Variants in PID1 observed in about 807,000 individuals in gnomAD.
The protein encoded by PID1 is PTB-containing, cubilin and LRP1-interacting protein.
A neutral mutation model predicts 19.1 loss-of-function variants in PID1; 10 were observed. The observed-to-expected ratio is 0.52, with a 90% CI of 0.32 to 0.89. PID1 has a LOEUF of 0.89. Ranked by LOEUF, PID1 falls within the 40% of genes least tolerant of loss-of-function variation. The probability of loss-of-function intolerance (pLI) is 0.03; values close to 1 mark genes in which losing one functional copy is unlikely to be tolerated. For synonymous variants in PID1, 130 were observed against 116.0 expected (o/e 1.12, Z -0.78); for missense variants, 248 against 285.3 (o/e 0.87, Z 0.94).
chr2:229,111,066 A>G (rs1265460704), intron 2 of PID1, among the ~76,000 whole-genome samples: 1 of 152,034 alleles, frequency 6.6e-6, no homozygotes, highest in Non-Finnish European at 1.5e-5. Flanking sequence ...CTTTCACTTG[A>G]TTCTCATTCT....
At chr2:229,154,547 A>G (rs1465929561) in intron 2 of PID1, among the ~76,000 whole-genome samples, 1 of 152,178 alleles carries the variant, frequency 6.6e-6, no homozygotes, top group East Asian at 1.9e-4. Context: ...CCGGTCAGAC[A>G]GTGAGCACCC....
chr2:229,054,818 G>A (rs1416682553), intron 2 of PID1, among the ~76,000 whole-genome samples: 4 of 146,856 alleles, frequency 2.7e-5, no homozygotes, highest in Non-Finnish European at 4.5e-5. Context: ...TTGAGAATTT[G>A]TTACAGCATC....
chr2:229,052,508 C>A (rs1264864372), intron 2 of PID1, among the ~76,000 whole-genome samples: 4 of 151,894 alleles, frequency 2.6e-5, no homozygotes, highest in Admixed American at 2.6e-4. Context: ...AAGGATCTTT[C>A]CACCTAACTG....
At chr2:229,103,862 C>A (rs1029084150) in intron 2 of PID1, among the ~76,000 whole-genome samples, 1 of 152,174 alleles carries the variant, frequency 6.6e-6, no homozygotes, top group Admixed American at 6.5e-5. Flanking sequence ...CAGTCGTGAG[C>A]CACCACACCC....
intron 1 of PID1, among the ~76,000 whole-genome samples, chr2:229,234,829 G>T (rs1226985): frequency 0.45 from 68,127 of 151,820 alleles, 16,059 homozygotes; most frequent in East Asian, 0.74. Context: ...AGGACCTATT[G>T]TGAAAGACCA....
At chr2:229,081,085 C>T (rs949395386) in intron 2 of PID1, among the ~76,000 whole-genome samples, 3 of 152,220 alleles carry the variant, frequency 2.0e-5, no homozygotes, top group African/African-American at 7.2e-5. Context: ...TCCCCGAATA[C>T]ATACATAGCT....
chr2:229,085,878 C>G (rs1181593380), intron 2 of PID1, among the ~76,000 whole-genome samples: 3 of 151,968 alleles, frequency 2.0e-5, no homozygotes. Flanking sequence ...CAAGAGACAG[C>G]TGATTAAAGC....
Position 229,025,758 on chromosome 2 carries a change from C to G in PID1, c.528G>C (p.Lys176Asn). 6.2e-7 allele frequency: 1 copy of G among 1,614,256 alleles called. No homozygotes were observed. Among genetic ancestry groups the G allele is most frequent in the Non-Finnish European group, 8.5e-7 (1 of 1,180,040 alleles). Residue 176 changes from lysine to asparagine, a missense_variant, in exon 3 of 3, where the codon AAG (lysine) becomes AAC (asparagine). Transcript: ENST00000392055. ...AVECESKLEAKKLAHAMMEAF... is the reference protein window; with the variant it reads ...AVECESKLEANKLAHAMMEAF... ...CCTCCATCATGGCGTGGGCCAGTTT[C>G]TTGGCCTCGAGCTTGCTCTCGCACT...
At chr2:229,220,247 A>G (rs1691938259) in intron 1 of PID1, among the ~76,000 whole-genome samples, 1 of 152,102 alleles carries the variant, frequency 6.6e-6, no homozygotes, top group Admixed American at 6.5e-5. Flanking sequence ...TGACACTTTA[A>G]ACCTCATTTA....
At chr2:229,265,589 CTTATATAAA>C (rs1690575614) in intron 1 of PID1, among the ~76,000 whole-genome samples, 1 of 152,168 alleles carries the variant, frequency 6.6e-6, no homozygotes. Context: ...TCTTGCTCTA[CTTATATAAA>C]GCCTCTGTTT....
chr2:229,035,868 T>C (rs2106169425), intron 2 of PID1, among the ~76,000 whole-genome samples: 1 of 152,274 alleles, frequency 6.6e-6, no homozygotes, highest in South Asian at 2.1e-4. Flanking sequence ...GTGGTTTGGG[T>C]CAAAGGCAGG....
chr2:229,112,415 A>G lies in PID1; in HGVS notation c.177+43403T>C, dbSNP rs138543726. On this transcript the variant is annotated intron_variant, in intron 2 of 2. Transcript: ENST00000392055. ...GCTCCTTAGCAATGTACTCAGCTGTATTAGTGAACATCACATCTAGAAATG... is the reference window on the plus strand; with the variant it reads ...GCTCCTTAGCAATGTACTCAGCTGTGTTAGTGAACATCACATCTAGAAATG... Among the ~76,000 whole-genome samples, 264 of 152,348 alleles carry G rather than the reference A, an allele frequency of 1.7e-3. 2 individuals carry two copies. Among genetic ancestry groups the G allele is most frequent in the African/African-American group, 6.0e-3 (248 of 41,582 alleles).
chr2:229,179,220 C>G (rs1313308961), intron 1 of PID1, among the ~76,000 whole-genome samples: 2 of 152,090 alleles, frequency 1.3e-5, no homozygotes, highest in East Asian at 3.9e-4. Flanking sequence ...GGGTTTCCCA[C>G]AAGCAGAGGC....
At chr2:229,162,221 G>T (rs565353451) in intron 1 of PID1, among the ~76,000 whole-genome samples, 9 of 152,328 alleles carry the variant, frequency 5.9e-5, no homozygotes. Flanking sequence ...CCATTATGCA[G>T]ACGGGGTAAT....
intron 2 of PID1, among the ~76,000 whole-genome samples, chr2:229,150,110 T>G (rs926836195): frequency 5.9e-5 from 9 of 151,702 alleles, no homozygotes; most frequent in African/African-American, 2.2e-4. Context: ...GGCGGATGCC[T>G]GCAATTTAAG....
chr2:229,186,692 C>T (rs2106226712), intron 1 of PID1, among the ~76,000 whole-genome samples: 1 of 152,314 alleles, frequency 6.6e-6, no homozygotes, highest in Non-Finnish European at 1.5e-5. Flanking sequence ...ATGGAAGGGG[C>T]TGAGATGAAG....
At chr2:229,027,654 A>G (rs2106161880) in intron 2 of PID1, among the ~76,000 whole-genome samples, 1 of 152,290 alleles carries the variant, frequency 6.6e-6, no homozygotes, top group East Asian at 1.9e-4. Context: ...TTGGCCTCAG[A>G]CTACATAGGA....
rs570785775 is a variant in PID1 at position 229,182,039 on chromosome 2, C to T, written c.31-26075G>A. 6.1e-4 allele frequency among the ~76,000 whole-genome samples: 92 copies of T among 152,062 alleles called. No individual in the cohort carries two copies. In the Middle Eastern group the frequency reaches 0.01, roughly 17 times the overall value. On this transcript the variant is annotated intron_variant, in intron 1 of 2. Coordinates refer to ENST00000392055, the MANE Select transcript of PID1 (RefSeq NM_001100818.2). Reference sequence around the variant, plus strand: ...GAGACAGTATAAAGATTAGTGGTTGCCAGGGGTTTGAAGGGAGGGAGGAAT... The same window carrying T: ...GAGACAGTATAAAGATTAGTGGTTGTCAGGGGTTTGAAGGGAGGGAGGAAT...
chr2:229,262,711 A>G, intron 1 of PID1: 1 of 1,551,562 alleles, frequency 6.4e-7, no homozygotes, highest in Non-Finnish European at 8.7e-7. Flanking sequence ...TCCAAAATGT[A>G]AAGGTTGGCA....
Sources: allele counts gnomAD v4.1 joint callset (sites outside exome capture counted in the v4.1 genomes callset), GRCh38; gene constraint gnomAD v4.1.1; transcripts MANE v1.5; gene names NCBI Gene and HGNC (gene_info 2026-07-23, HGNC 2026-07-21).